Variants in DPP6 observed in about 807,000 individuals in gnomAD.
DPP6 encodes the protein dipeptidyl peptidase like 6.
DPP6 carries 69 observed loss-of-function variants against 122.6 expected under a neutral mutation model. The ratio of observed to expected loss-of-function variants is 0.56; its 90% CI spans 0.46 to 0.69. DPP6 has a LOEUF of 0.69. DPP6 is among the 30% of genes least tolerant of loss of function. The pLI is 0.00. For synonymous variants in DPP6, 418 were observed against 433.1 expected, an observed-to-expected ratio of 0.97 and a Z score of 0.43; for missense variants, 928 against 1,116.9, an observed-to-expected ratio of 0.83 and a Z score of 2.41.
rs190494046 is a variant in DPP6 at position 154,215,325 on chromosome 7, C to T, written c.243+162262C>T. 3.7e-4 allele frequency among the ~76,000 whole-genome samples: 56 copies of T among 152,246 alleles called. No homozygotes were observed. In the East Asian group the frequency reaches 9.5e-3, roughly 26 times the overall value. On this transcript the variant is annotated intron_variant, in intron 1 of 25. Transcript: ENST00000377770. ...CCTCCCCCGTAATACAGTCACCTCC[C>T]ACCAGGTCCCCTCCTCCACAGGTGG...
chr7:154,334,337 AG>A (rs1251783402), intron 1 of DPP6, among the ~76,000 whole-genome samples: 1 of 152,232 alleles, frequency 6.6e-6, no homozygotes, highest in African/African-American at 2.4e-5. Context: ...AAGATGCAAA[AG>A]CAAGAAGGAC....
intron 7 of DPP6, among the ~76,000 whole-genome samples, chr7:154,711,423 G>C (rs1198428390): frequency 6.6e-6 from 1 of 152,222 alleles, no homozygotes; most frequent in Non-Finnish European, 1.5e-5. Context: ...TTCAACAGAA[G>C]TTTGGTAATA....
chr7:154,266,472 G>T (rs908892416), intron 1 of DPP6, among the ~76,000 whole-genome samples: 1 of 152,238 alleles, frequency 6.6e-6, no homozygotes, highest in East Asian at 1.9e-4. Context: ...CCAGCTACTC[G>T]GGAAGCTGAG....
At chr7:153,754,558 G>A in the DPP6 span, among the ~76,000 whole-genome samples, 1 of 152,168 alleles carries the variant, frequency 6.6e-6, no homozygotes, top group Admixed American at 6.5e-5. Flanking sequence ...TGGGTGCAAA[G>A]ATCACCTTGA....
intron 1 of DPP6, among the ~76,000 whole-genome samples, chr7:154,325,851 A>G (rs1808398328): frequency 6.6e-6 from 1 of 152,250 alleles, no homozygotes; most frequent in Admixed American, 6.5e-5. Context: ...AATAGCAAAT[A>G]TAAATTGTGC....
Position 154,323,088 on chromosome 7 carries a change from TAAAG to T in DPP6, c.244-123122_244-123119del, listed in dbSNP as rs533256832. 5.3e-3 allele frequency among the ~76,000 whole-genome samples: 804 copies of T among 152,126 alleles called. 7 individuals carry two copies. The highest frequency in any genetic ancestry group is 0.018 in the African/African-American group (768 of 41,514). On this transcript the variant is annotated intron_variant, in intron 1 of 25. Transcript: ENST00000377770. ...TCAAAAAAAAAAATAAATGGAATAA[TAAAG>T]AAACTTCAAAACCAAATGAAATACC...
At chr7:153,943,750 G>C (rs1007809201) in intron 1 of DPP6, among the ~76,000 whole-genome samples, 2 of 152,196 alleles carry the variant, frequency 1.3e-5, no homozygotes, top group Admixed American at 1.3e-4. Context: ...GCCAGCTTCA[G>C]TGTTTATAAA....
intron 8 of DPP6, among the ~76,000 whole-genome samples, chr7:154,735,543 T>C (rs1239366883): frequency 6.6e-6 from 1 of 152,220 alleles, no homozygotes; most frequent in African/African-American, 2.4e-5. Flanking sequence ...GCTTTGGGTA[T>C]TTCATGTAAC....
At chr7:153,884,987 A>AATACATATAT (rs1209555021), upstream of DPP6, among the ~76,000 whole-genome samples, 514 of 116,432 alleles carry the variant, frequency 4.4e-3, 10 homozygotes, top group East Asian at 6.4e-3. Flanking sequence ...TCAAAACAAA[A>AATACATATAT]ATATATATAT....
the DPP6 span, among the ~76,000 whole-genome samples, chr7:153,868,708 T>C: frequency 6.6e-6 from 1 of 152,238 alleles, no homozygotes; most frequent in African/African-American, 2.4e-5. Context: ...TGAATGTGTA[T>C]GCTCTTGCTT....
intron 7 of DPP6, among the ~76,000 whole-genome samples, chr7:154,677,874 AG>A (rs1242931488): frequency 6.6e-6 from 1 of 152,136 alleles, no homozygotes; most frequent in Non-Finnish European, 1.5e-5. Context: ...GGAAGGTCCT[AG>A]GTAAGAGGTG....
At chr7:154,048,744 A>G (rs1800144867), upstream of DPP6, among the ~76,000 whole-genome samples, 3 of 105,194 alleles carry the variant, frequency 2.9e-5, no homozygotes, top group Non-Finnish European at 6.6e-5. Context: ...AGGGAAGTCA[A>G]CTACAGGATA....
chr7:153,973,379 C>G (rs1377310288), intron 1 of DPP6, among the ~76,000 whole-genome samples: 1 of 152,178 alleles, frequency 6.6e-6, no homozygotes, highest in Non-Finnish European at 1.5e-5. Flanking sequence ...CGACCTGAAT[C>G]AAGCAATTCT....
At chr7:154,800,256 A>G (rs1798281439) in intron 12 of DPP6, among the ~76,000 whole-genome samples, 1 of 152,224 alleles carries the variant, frequency 6.6e-6, no homozygotes, top group Non-Finnish European at 1.5e-5. Flanking sequence ...ATTAAATGTC[A>G]TTTTAATCAC....
chr7:154,179,482 C>A (rs879742640), intron 1 of DPP6, among the ~76,000 whole-genome samples: 1 of 152,096 alleles, frequency 6.6e-6, no homozygotes, highest in Non-Finnish European at 1.5e-5. Flanking sequence ...ATTCTTGATA[C>A]CCTAAAATTC....
rs567169418 is a variant in DPP6 at position 154,583,204 on chromosome 7, C to A, written c.627+16288C>A. 3.3e-5 allele frequency among the ~76,000 whole-genome samples: 5 copies of A among 152,360 alleles called. No homozygotes were observed. In the East Asian group the frequency reaches 5.8e-4, roughly 18 times the overall value. On this transcript the variant is annotated intron_variant, in intron 5 of 25. Transcript: ENST00000377770. ...AATACCACAGACTGGGCAGCTTAAA[C>A]AACAGACGTGTGTATCTCAGAGTTC... is the stretch of plus-strand genomic sequence containing the variant.
chr7:154,560,505 A>G (rs537499713), intron 4 of DPP6, among the ~76,000 whole-genome samples: 1 of 152,272 alleles, frequency 6.6e-6, no homozygotes, highest in South Asian at 2.1e-4. Flanking sequence ...CTCCTGGAGG[A>G]TTTTATATTT....
intron 15 of DPP6, among the ~76,000 whole-genome samples, 183 bp downstream of exon 15, chr7:154,805,147 T>C (rs111780621): frequency 0.026 from 3,937 of 152,300 alleles, 91 homozygotes; most frequent in Middle Eastern, 0.065. Context: ...AGGGGTAGTT[T>C]TGAGACTTTT....
chr7:154,850,497 C>T (rs924212829), intron 16 of DPP6, among the ~76,000 whole-genome samples: 2 of 152,102 alleles, frequency 1.3e-5, no homozygotes, highest in South Asian at 2.1e-4. Context: ...TACTCCCTCA[C>T]GTTCCATTTT....
Sources: allele counts gnomAD v4.1 joint callset (sites outside exome capture counted in the v4.1 genomes callset), GRCh38; gene constraint gnomAD v4.1.1; transcripts MANE v1.5; gene names NCBI Gene and HGNC (gene_info 2026-07-23, HGNC 2026-07-21).